Variants in KSR2 observed in about 807,000 individuals in gnomAD.
KSR2 encodes kinase suppressor of ras 2.
In KSR2, 25 loss-of-function variants were observed where a neutral mutation model predicts 107.8. The ratio of observed to expected loss-of-function variants is 0.23; its 90% CI spans 0.17 to 0.32. KSR2 has a LOEUF of 0.32. Among genes scored for constraint, KSR2 ranks in the 10% least tolerant of loss-of-function variants. KSR2 has a pLI of 1.00. For missense variants in KSR2, 887 were observed against 1,268.9 expected (o/e 0.70, Z 4.57); for synonymous variants, 480 against 507.0 (o/e 0.95, Z 0.71).
At chr12:117,601,300 G>C (rs942208817) in intron 5 of KSR2, among the ~76,000 whole-genome samples, 4 of 116,826 alleles carry the variant, frequency 3.4e-5, no homozygotes, top group East Asian at 4.1e-4. Context: ...GATCTTGGGG[G>C]GGGGGGTACC....
intron 4 of KSR2, among the ~76,000 whole-genome samples, chr12:117,713,625 A>C (rs1275709079): frequency 6.6e-6 from 1 of 151,594 alleles, no homozygotes; most frequent in Non-Finnish European, 1.5e-5. Flanking sequence ...TATAATTTAA[A>C]ATAGGAAAAG....
intron 3 of KSR2, among the ~76,000 whole-genome samples, chr12:117,791,805 C>A (rs1890260731): frequency 6.6e-6 from 1 of 152,184 alleles, no homozygotes. Context: ...CTGCCCAGAT[C>A]CATGGATTGT....
intron 16 of KSR2, among the ~76,000 whole-genome samples, chr12:117,482,155 A>C (rs1412953746): frequency 6.6e-6 from 1 of 151,946 alleles, no homozygotes; most frequent in Non-Finnish European, 1.5e-5. Flanking sequence ...GAGGAAGCCC[A>C]ATGTAGTCAA....
At chr12:117,831,267 C>A (rs1227170558) in intron 3 of KSR2, among the ~76,000 whole-genome samples, 2 of 152,160 alleles carry the variant, frequency 1.3e-5, no homozygotes, top group Admixed American at 6.5e-5. Context: ...GCTATCTCTC[C>A]AACAGCTTTG....
At chr12:117,939,462 C>T (rs1895941265) in intron 1 of KSR2, among the ~76,000 whole-genome samples, 1 of 152,076 alleles carries the variant, frequency 6.6e-6, no homozygotes, top group South Asian at 2.1e-4. Context: ...CCTGTAATCC[C>T]AGCACTTTGG....
chr12:117,586,677 T>C (rs1880021282), intron 5 of KSR2, among the ~76,000 whole-genome samples: 1 of 124,280 alleles, frequency 8.0e-6, no homozygotes, highest in Non-Finnish European at 1.7e-5. Context: ...GTAAATCTGC[T>C]GTCTGCTGTG....
intron 5 of KSR2, among the ~76,000 whole-genome samples, chr12:117,658,322 A>G (rs997443974): frequency 3.3e-5 from 5 of 152,224 alleles, no homozygotes; most frequent in South Asian, 2.1e-4. Flanking sequence ...TGGATACAGG[A>G]CGATCCATTT....
intron 4 of KSR2, among the ~76,000 whole-genome samples, chr12:117,685,499 C>T (rs1466327015): frequency 1.3e-5 from 2 of 152,196 alleles, no homozygotes; most frequent in Admixed American, 6.5e-5. Context: ...ACTGTCTCCC[C>T]GGGGCTGATG....
chr12:117,963,264 G>A (rs548340240), intron 1 of KSR2, among the ~76,000 whole-genome samples: 2 of 151,894 alleles, frequency 1.3e-5, no homozygotes, highest in African/African-American at 2.4e-5. Context: ...GCACAGAGTC[G>A]AGTAGCTTTG....
At position 117,485,663 on chromosome 12, in the gene KSR2, C is replaced by T. The variant is rs368852302; in HGVS notation, c.2248G>A (p.Val750Ile). Residue 750 changes from valine (V) to isoleucine (I), a missense_variant, in exon 15 of 20, where the codon GTT becomes ATT. Val to Ile is a conservative substitution (Grantham distance 29). Transcript: ENST00000339824. ...AAAACGATTTTGGCATCCCTCACAACGGAATAGAGCGTCCGTCCCTTACAG... is the reference window on the plus strand; with the variant it reads ...AAAACGATTTTGGCATCCCTCACAATGGAATAGAGCGTCCGTCCCTTACAG... ...SLCKGRTLYSVVRDAKIVLDV... is the reference protein window; with the variant it reads ...SLCKGRTLYSIVRDAKIVLDV... 1.8e-5 allele frequency: 29 copies of T among 1,613,326 alleles called. No homozygotes were observed. The highest frequency in any genetic ancestry group is 5.3e-5 in the African/African-American group (4 of 74,908).
chr12:117,589,401 C>T (rs1163625590), intron 5 of KSR2, among the ~76,000 whole-genome samples: 4 of 152,152 alleles, frequency 2.6e-5, no homozygotes, highest in African/African-American at 9.7e-5. Context: ...CTCCATAATT[C>T]CCTTTTAGGT....
intron 1 of KSR2, among the ~76,000 whole-genome samples, chr12:117,959,935 GAA>G (rs143626382): frequency 4.0e-5 from 4 of 99,032 alleles, no homozygotes; most frequent in Non-Finnish European, 6.5e-5. Flanking sequence ...TGTCTCAAAA[GAA>G]AAAAAAAAAA....
chr12:117,821,926 C>G (rs1158242508), intron 3 of KSR2, among the ~76,000 whole-genome samples: 1 of 152,154 alleles, frequency 6.6e-6, no homozygotes, highest in Non-Finnish European at 1.5e-5. Context: ...CAGACACAGG[C>G]ATTCTAAGTC....
chr12:117,921,406 G>A (rs917574548), intron 1 of KSR2, among the ~76,000 whole-genome samples: 1 of 151,442 alleles, frequency 6.6e-6, no homozygotes. Flanking sequence ...TCTTATTATA[G>A]AGAGCCTTTT....
chr12:117,832,359 C>G (rs1333150593), intron 3 of KSR2, among the ~76,000 whole-genome samples: 1 of 152,186 alleles, frequency 6.6e-6, no homozygotes, highest in Non-Finnish European at 1.5e-5. Context: ...ACCAGAGCTA[C>G]AAGGCAATTT....
In KSR2 at chr12:117,490,521, T is replaced by C. The variant is rs543772732; in HGVS notation, c.2220-4830A>G. Among the ~76,000 whole-genome samples the C allele has an allele frequency of 2.6e-5, 4 of 152,316 alleles. No individual in the cohort carries two copies. The South Asian group carries it at 6.2e-4, about 24-fold the overall frequency. On this transcript the variant is annotated intron_variant, in intron 14 of 19. Transcript: ENST00000339824. ...CAATCATTGACAGATCATAGTTTCA[T>C]TGGCACTACATTTCTTTCTTTGTAG...
At chr12:117,874,661 G>A (rs1284403226) in intron 1 of KSR2, among the ~76,000 whole-genome samples, 1 of 152,146 alleles carries the variant, frequency 6.6e-6, no homozygotes, top group African/African-American at 2.4e-5. Context: ...TCCCAGTCCC[G>A]TGCTCTCTTC....
Position 117,481,321 on chromosome 12 carries a change from A to G in KSR2, c.2450+3095T>C, listed in dbSNP as rs1018567730. On this transcript the variant is annotated intron_variant, in intron 16 of 19. Coordinates refer to ENST00000339824, the MANE Select transcript of KSR2 (RefSeq NM_173598.6). ...AACCCCTAACCCCCAATTTGATTGT[A>G]TTTAGTGATAAAGCCTATAGGGAGG... Among the ~76,000 whole-genome samples the G allele has an allele frequency of 2.0e-5, 3 of 152,208 alleles. No individual in the cohort carries two copies. In the South Asian group the frequency reaches 6.2e-4, roughly 32 times the overall value.
intron 16 of KSR2, among the ~76,000 whole-genome samples, chr12:117,480,876 A>C (rs911320956): frequency 5.9e-5 from 9 of 152,070 alleles, no homozygotes; most frequent in African/African-American, 2.2e-4. Context: ...ACCCAATTCT[A>C]CAAGAATTTC....
Sources: gnomAD v4.1 joint callset for allele counts (sites outside exome capture counted in the v4.1 genomes callset) on GRCh38, gnomAD v4.1.1 for gene constraint, MANE v1.5 for transcripts, NCBI Gene and HGNC (gene_info 2026-07-23, HGNC 2026-07-21) for gene names.